GPRC6A: variants seen among roughly 807,000 people sequenced by gnomAD.
GPRC6A encodes the protein G protein-coupled receptor class C group 6 member A, also known as G protein-coupled receptor family C group 6 member A.
GPRC6A carries 54 observed loss-of-function variants against 47.0 expected under a neutral mutation model. The observed-to-expected ratio is 1.15, with a 90% CI of 0.92 to 1.44. The LOEUF is 1.44. GPRC6A is among the 40% of genes most tolerant of loss of function. GPRC6A has a pLI of 0.00. For synonymous variants in GPRC6A, 347 were observed against 377.1 expected (o/e 0.92, Z 0.93); for missense variants, 1,112 against 1,105.5 (o/e 1.01, Z -0.08).
chr6:116,820,995 A>G (rs1350995784), intron 1 of GPRC6A, among the ~76,000 whole-genome samples: 4 of 151,854 alleles, frequency 2.6e-5, no homozygotes, highest in Non-Finnish European at 5.9e-5. Flanking sequence ...TAAGCTGATA[A>G]GCAACTTCAG....
chr6:116,800,850 C>CATTAGAATAATGGATA, intron 3 of GPRC6A, 54 bp from the exon 4 acceptor site: 1 of 1,069,648 alleles, frequency 9.3e-7, no homozygotes, highest in Non-Finnish European at 1.4e-6. Flanking sequence ...GCAAATGTAT[C>CATTAGAATAATGGATA]CATTATTCTA....
Position 116,828,801 on chromosome 6 carries a change from T to G in GPRC6A, c.194+19A>C, listed in dbSNP as rs1773750288. 1 of 1,593,714 alleles carries G rather than the reference T, an allele frequency of 6.3e-7. No homozygotes were observed. Among genetic ancestry groups the G allele is most frequent in the Non-Finnish European group, 8.6e-7 (1 of 1,167,148 alleles). ...ATGACAATCTTGAAATCTAAACGTG[T>G]TTTTTGAGACTTACTCACCCAACAC... On this transcript the variant is annotated intron_variant, in intron 1 of 5. Transcript: ENST00000310357.
Position 116,800,858 on chromosome 6 carries a change from C to T in GPRC6A, c.1336-62G>A, listed in dbSNP as rs1582457783. 6.5e-6 allele frequency: 6 copies of T among 928,626 alleles called. No individual in the cohort carries two copies. The East Asian group carries it at 1.0e-4, about 16-fold the overall frequency. The allele number at this position is 928,626 out of a possible 1,614,324, so 57.5% of individuals were successfully genotyped here. A position where few individuals can be genotyped will look rare whatever the true frequency, so the allele number is the denominator to read the frequency against. The stretch of plus-strand genomic sequence containing the variant: ...AAATGTTGCAAATGTATCCATTATT[C>T]TAATGATAACACTGCCTTATAAAGC... On this transcript the variant is annotated intron_variant, in intron 3 of 5. Transcript: ENST00000310357.
intron 1 of GPRC6A, among the ~76,000 whole-genome samples, chr6:116,810,501 G>T (rs1317014193): frequency 6.6e-6 from 1 of 151,700 alleles, no homozygotes; most frequent in African/African-American, 2.4e-5. Context: ...TTCCAATTTT[G>T]CACTTGTTGC....
At chr6:116,824,588 T>G (rs1373938548) in intron 1 of GPRC6A, among the ~76,000 whole-genome samples, 6 of 151,858 alleles carry the variant, frequency 4.0e-5, no homozygotes, top group African/African-American at 7.3e-5. Flanking sequence ...ATAGCAAGAT[T>G]AAATCAGTAA....
chr6:116,815,058 A>G (rs1026929516), intron 1 of GPRC6A, among the ~76,000 whole-genome samples: 3 of 152,198 alleles, frequency 2.0e-5, no homozygotes, highest in African/African-American at 7.2e-5. Context: ...ACCAACACTG[A>G]AGCACCCAGA....
intron 3 of GPRC6A, among the ~76,000 whole-genome samples, chr6:116,805,970 T>G (rs945174424): frequency 6.6e-6 from 1 of 152,112 alleles, no homozygotes; most frequent in African/African-American, 2.4e-5. Flanking sequence ...GCAGTTGTAT[T>G]TCTGGTACTC....
At chr6:116,827,314 C>T (rs766134418) in intron 1 of GPRC6A, among the ~76,000 whole-genome samples, 15 of 151,826 alleles carry the variant, frequency 9.9e-5, no homozygotes, top group Non-Finnish European at 2.2e-4. Flanking sequence ...ACATGTACCT[C>T]ATAAATATGT....
chr6:116,796,096 C>T (rs1772480957), intron 4 of GPRC6A, among the ~76,000 whole-genome samples: 1 of 151,838 alleles, frequency 6.6e-6, no homozygotes, highest in African/African-American at 2.4e-5. Context: ...CAGAAAGTCC[C>T]TAGTAGAGGG....
intron 1 of GPRC6A, among the ~76,000 whole-genome samples, chr6:116,816,680 G>A (rs1025875781): frequency 4.6e-5 from 7 of 152,094 alleles, no homozygotes; most frequent in African/African-American, 9.7e-5. Context: ...GTGGGTGCAC[G>A]CACCGTGCGC....
chr6:116,799,525 T>C (rs1181849525), intron 4 of GPRC6A, among the ~76,000 whole-genome samples: 2 of 152,210 alleles, frequency 1.3e-5, no homozygotes, highest in African/African-American at 2.4e-5. Context: ...AAGTGATATA[T>C]GTTAATATTT....
intron 5 of GPRC6A, among the ~76,000 whole-genome samples, chr6:116,794,322 T>G (rs911238896): frequency 6.6e-6 from 1 of 152,222 alleles, no homozygotes; most frequent in Non-Finnish European, 1.5e-5. Context: ...TCTTTTCTGT[T>G]TGCCCTGTAA....
chr6:116,817,340 G>C (rs963791941), intron 1 of GPRC6A, among the ~76,000 whole-genome samples: 1 of 151,452 alleles, frequency 6.6e-6, no homozygotes, highest in African/African-American at 2.4e-5. Context: ...TCTGTTAGAA[G>C]GAAAACTAAC....
chr6:116,808,177 C>T (rs1030834095), intron 2 of GPRC6A, among the ~76,000 whole-genome samples: 7 of 152,016 alleles, frequency 4.6e-5, no homozygotes, highest in East Asian at 1.9e-4. Flanking sequence ...TAAATAGATG[C>T]GAGCACATGG....
Position 116,828,823 on chromosome 6 carries a change from A to G in GPRC6A, c.191T>C (p.Val64Ala), listed in dbSNP as rs768883277. The G allele has an allele frequency of 1.9e-6, 3 of 1,611,274 alleles. No individual in the cohort carries two copies. The highest frequency in any genetic ancestry group is 1.7e-6 in the Non-Finnish European group (2 of 1,178,292). The change falls in exon 1 of 6, where the codon GTT (valine) becomes GCT (alanine). Residue 64 changes from valine to alanine, a missense_variant. Val to Ala is a moderately conservative substitution (Grantham distance 64). Coordinates refer to ENST00000310357, the MANE Select transcript of GPRC6A (RefSeq NM_148963.4). ...SPRRPQIQEC[V>A]GFEISVFLQT... Reference sequence around the variant, plus strand: ...GTGTTTTTTGAGACTTACTCACCCAACACACTCCTGGATTTGTGGTCGTCT... The same window carrying G: ...GTGTTTTTTGAGACTTACTCACCCAGCACACTCCTGGATTTGTGGTCGTCT...
intron 4 of GPRC6A, among the ~76,000 whole-genome samples, chr6:116,798,907 A>G (rs910797678): frequency 6.6e-6 from 1 of 151,858 alleles, no homozygotes; most frequent in Non-Finnish European, 1.5e-5. Flanking sequence ...AAAAAGAAAC[A>G]GACCAAAGGA....
intron 1 of GPRC6A, among the ~76,000 whole-genome samples, chr6:116,816,340 A>T (rs1368001333): frequency 6.6e-6 from 1 of 152,246 alleles, no homozygotes; most frequent in African/African-American, 2.4e-5. Context: ...GGCCAAAGGA[A>T]AGGGCCTACA....
rs778906082 is a variant in GPRC6A at position 116,802,584 on chromosome 6, T to C, written c.1336-1788A>G. On this transcript the variant is annotated intron_variant, in intron 3 of 5. Coordinates refer to ENST00000310357, the MANE Select transcript of GPRC6A (RefSeq NM_148963.4). ...TAAGTAAGGTTACTGTGGAAAGAGG[T>C]ATCTTCATGGCTAAGTTAGAGAAGA... 9.2e-4 allele frequency among the ~76,000 whole-genome samples: 140 copies of C among 152,242 alleles called. 2 individuals are homozygous for C. The highest frequency in any genetic ancestry group is 1.6e-3 in the Non-Finnish European group (108 of 68,010).
In GPRC6A at chr6:116,806,446, A is replaced by G. The variant is rs1489778428; in HGVS notation, c.1259T>C (p.Phe420Ser). Residue 420 changes from phenylalanine (F) to serine (S), a missense_variant, in exon 3 of 6, where the codon TTT (phenylalanine) becomes TCT (serine). Physicochemically the swap from Phe to Ser is radical, Grantham distance 155. Coordinates refer to ENST00000310357, the MANE Select transcript of GPRC6A (RefSeq NM_148963.4). ...ATCCCGAATGGCATAACCAAGGGCA[A>G]ACACTGCAAGCTGAATACTATGAAT... Reference protein sequence around the residue: ...GLIHSIQLAVFALGYAIRDLC... With the variant: ...GLIHSIQLAVSALGYAIRDLC... The G allele has an allele frequency of 1.9e-6, 3 of 1,613,508 alleles. No individual in the cohort carries two copies. The highest frequency in any genetic ancestry group is 4.5e-5 in the East Asian group (2 of 44,870).
Sources: allele counts gnomAD v4.1 joint callset (sites outside exome capture counted in the v4.1 genomes callset), GRCh38; gene constraint gnomAD v4.1.1; transcripts MANE v1.5; gene names NCBI Gene and HGNC (gene_info 2026-07-23, HGNC 2026-07-21).